CCDC33: variants seen among roughly 807,000 people sequenced by gnomAD.
The protein encoded by CCDC33 is coiled-coil domain containing 33, also known as coiled-coil domain-containing protein 33.
Under a neutral mutation model 91.9 loss-of-function variants are expected in CCDC33, and 94 were observed. That is an observed-to-expected ratio of 1.02 (90% confidence interval 0.87 to 1.21). The LOEUF (loss-of-function observed/expected upper bound fraction) is 1.21. CCDC33 is among the 50% of genes most tolerant of loss of function. The probability of loss-of-function intolerance (pLI) is 0.00; values close to 1 mark genes in which losing one functional copy is unlikely to be tolerated. For missense variants in CCDC33, 940 were observed against 935.5 expected (o/e 1.00, Z -0.06); for synonymous variants, 396 against 374.5 (o/e 1.06, Z -0.66).
At position 74,253,422 on chromosome 15, in the gene CCDC33, G is replaced by A. The variant is rs546663591; in HGVS notation, c.186-9018G>A. On this transcript the variant is annotated intron_variant, in intron 2 of 18. Coordinates refer to ENST00000398814, the MANE Select transcript of CCDC33 (RefSeq NM_025055.5). ...AGCAGGGGCTGGGGCTCTGGGCACC[G>A]ATTAGGCTCCTCCTACCCCTGTGTA... is the stretch of plus-strand genomic sequence containing the variant. 5.4e-4 allele frequency among the ~76,000 whole-genome samples: 82 copies of A among 152,278 alleles called. 4 individuals carry two copies. In the South Asian group the frequency reaches 0.016, roughly 29 times the overall value.
chr15:74,265,677 C>T (rs904128233), intron 3 of CCDC33, among the ~76,000 whole-genome samples: 10 of 152,188 alleles, frequency 6.6e-5, no homozygotes, highest in Non-Finnish European at 1.5e-4. Context: ...ATGACAGTCC[C>T]GCTCACTAAA....
intron 18 of CCDC33, chr15:74,335,444 A>AC (rs1206019898): frequency 7.7e-6 from 4 of 518,816 alleles, no homozygotes; most frequent in Non-Finnish European, 1.4e-5. Flanking sequence ...TTGTGGCCCT[A>AC]CCCCCCTGAA....
chr15:74,331,042 T>C lies in CCDC33; in HGVS notation c.1607T>C (p.Leu536Pro), dbSNP rs1159033724. 1.2e-6 allele frequency: 2 copies of C among 1,612,654 alleles called. No individual in the cohort carries two copies. Among genetic ancestry groups the C allele is most frequent in the Admixed American group, 3.3e-5 (2 of 59,872 alleles). The change falls in exon 14 of 19, where the codon CTG (leucine) becomes CCG (proline). Residue 536 changes from leucine to proline, a missense_variant. Coordinates refer to ENST00000398814, the MANE Select transcript of CCDC33 (RefSeq NM_025055.5). Reference sequence around the variant, plus strand: ...CAGGCCCAGCAGCCACAGGCCGCTCTGCTGAAGCAGTACCAGGGCAAGCTG... The same window carrying C: ...CAGGCCCAGCAGCCACAGGCCGCTCCGCTGAAGCAGTACCAGGGCAAGCTG... ...LYQAQQPQAA[L>P]LKQYQGKLQK...
chr15:74,314,689 G>A (rs933651116), intron 11 of CCDC33, among the ~76,000 whole-genome samples: 3 of 152,218 alleles, frequency 2.0e-5, no homozygotes, highest in Non-Finnish European at 4.4e-5. Flanking sequence ...GAGCACCTGG[G>A]GTGGGGATTT....
chr15:74,318,574 A>G, intron 11 of CCDC33: 1 of 722,298 alleles, frequency 1.4e-6, no homozygotes, highest in Non-Finnish European at 2.5e-6. Context: ...GGGGAACAGG[A>G]CTGCTAGCAG....
chr15:74,305,847 C>T (rs1318468834), intron 11 of CCDC33, among the ~76,000 whole-genome samples: 1 of 151,478 alleles, frequency 6.6e-6, no homozygotes, highest in East Asian at 1.9e-4. Flanking sequence ...AGTTCCATTT[C>T]CACCTCCCAA....
In CCDC33 at chr15:74,331,071, A is replaced by G; in HGVS notation, c.1636A>G (p.Lys546Glu). ...LLKQYQGKLQKMKALEETVRH... is the reference protein window; with the variant it reads ...LLKQYQGKLQEMKALEETVRH... ...GAAGCAGTACCAGGGCAAGCTGCAG[A>G]AGATGAAGGCGCTGGAGGAGACTGT... The change falls in exon 14 of 19, where the codon AAG (lysine) becomes GAG (glutamate). Residue 546 changes from lysine to glutamate, a missense_variant. Transcript: ENST00000398814. 6.2e-7 allele frequency: 1 copy of G among 1,613,716 alleles called. No homozygotes were observed. Among genetic ancestry groups the G allele is most frequent in the South Asian group, 1.1e-5 (1 of 91,004 alleles).
chr15:74,281,921 T>C, intron 10 of CCDC33, 72 bp downstream of exon 10: 1 of 1,371,728 alleles, frequency 7.3e-7, no homozygotes, highest in Non-Finnish European at 1.0e-6. Context: ...CCTTCACAAT[T>C]GCTGGCTTTG....
At chr15:74,318,960 C>T (rs1405370023) in intron 11 of CCDC33, among the ~76,000 whole-genome samples, 3 of 150,716 alleles carry the variant, frequency 2.0e-5, no homozygotes, top group Non-Finnish European at 4.4e-5. Flanking sequence ...CTGGGCCCTA[C>T]CTCTGGTGTC....
At chr15:74,245,953 C>T (rs2075516021) in intron 2 of CCDC33, among the ~76,000 whole-genome samples, 1 of 152,208 alleles carries the variant, frequency 6.6e-6, no homozygotes, top group Non-Finnish European at 1.5e-5. Context: ...GAAGGCCGAG[C>T]TGTCAGGACC....
Position 74,273,675 on chromosome 15 carries a change from G to C in CCDC33, c.759+784G>C, listed in dbSNP as rs572066194. ...GTAGAGACAGGGTTTCACCATGTCGGCCAGGCTGGTCTCGAACTCCTGACC... is the reference window on the plus strand; with the variant it reads ...GTAGAGACAGGGTTTCACCATGTCGCCCAGGCTGGTCTCGAACTCCTGACC... On this transcript the variant is annotated intron_variant, in intron 7 of 18. Coordinates refer to ENST00000398814, the MANE Select transcript of CCDC33 (RefSeq NM_025055.5). 4.2e-4 allele frequency among the ~76,000 whole-genome samples: 64 copies of C among 151,886 alleles called. 1 individual carries two copies. Among genetic ancestry groups the C allele is most frequent in the African/African-American group, 1.5e-3 (63 of 41,398 alleles).
upstream of CCDC33, among the ~76,000 whole-genome samples, chr15:74,216,053 C>A (rs1281311928): frequency 1.3e-5 from 2 of 152,138 alleles, no homozygotes; most frequent in African/African-American, 4.8e-5. Context: ...AAGGTTGGCC[C>A]TAGGGCAGAA....
At chr15:74,226,221 G>C (rs2074791224) in intron 2 of CCDC33, among the ~76,000 whole-genome samples, 1 of 152,198 alleles carries the variant, frequency 6.6e-6, no homozygotes, top group South Asian at 2.1e-4. Flanking sequence ...CATGAGCTGG[G>C]TGGTCGTCAA....
intron 10 of CCDC33, among the ~76,000 whole-genome samples, chr15:74,283,847 G>A (rs528541107): frequency 1.7e-4 from 25 of 149,814 alleles, no homozygotes; most frequent in South Asian, 8.5e-4. Flanking sequence ...TCTCAATCAC[G>A]TGTGAATATC....
chr15:74,279,351 A>G (rs1314830859), intron 7 of CCDC33, among the ~76,000 whole-genome samples: 1 of 152,232 alleles, frequency 6.6e-6, no homozygotes, highest in Non-Finnish European at 1.5e-5. Flanking sequence ...TGAAAAATGC[A>G]GGATGCTAGA....
intron 9 of CCDC33, among the ~76,000 whole-genome samples, chr15:74,281,208 A>G (rs979964876): frequency 2.6e-5 from 4 of 152,220 alleles, no homozygotes; most frequent in African/African-American, 9.6e-5. Flanking sequence ...CAAGTACACA[A>G]TCTCTGTGTA....
At chr15:74,266,148 C>G (rs2076159998) in intron 3 of CCDC33, among the ~76,000 whole-genome samples, 1 of 152,198 alleles carries the variant, frequency 6.6e-6, no homozygotes, top group Non-Finnish European at 1.5e-5. Context: ...TTGTAGTAGA[C>G]TTTTATTGAT....
chr15:74,264,366 G>A (rs1018832094), intron 3 of CCDC33, among the ~76,000 whole-genome samples: 3 of 152,130 alleles, frequency 2.0e-5, no homozygotes, highest in African/African-American at 7.2e-5. Context: ...GTGGGAGGCC[G>A]GAAGGGCACA....
At chr15:74,245,127 CT>C (rs1271740512) in intron 2 of CCDC33, among the ~76,000 whole-genome samples, 1 of 152,198 alleles carries the variant, frequency 6.6e-6, no homozygotes, top group African/African-American at 2.4e-5. Context: ...GTCTGAAGCA[CT>C]TTATATCAAC....
Sources: gnomAD v4.1 joint callset for allele counts (sites outside exome capture counted in the v4.1 genomes callset) on GRCh38, gnomAD v4.1.1 for gene constraint, MANE v1.5 for transcripts, NCBI Gene and HGNC (gene_info 2026-07-23, HGNC 2026-07-21) for gene names.